Variants in PDS5B observed in about 807,000 individuals in gnomAD.
The protein encoded by PDS5B is sister chromatid cohesion protein PDS5 homolog B.
Under a neutral mutation model 184.1 loss-of-function variants are expected in PDS5B, and 51 were observed. That is an observed-to-expected ratio of 0.28 (90% CI 0.22 to 0.35). The LOEUF (loss-of-function observed/expected upper bound fraction) is 0.35. PDS5B is among the 10% of genes least tolerant of loss of function. The pLI is 1.00. For synonymous variants in PDS5B, 566 were observed against 569.2 expected (o/e 0.99, Z 0.08); for missense variants, 1,180 against 1,723.3 (o/e 0.68, Z 5.58).
At chr13:32,587,494 G>T (rs1043562375) in intron 1 of PDS5B, among the ~76,000 whole-genome samples, 2 of 149,698 alleles carry the variant, frequency 1.3e-5, no homozygotes, top group Admixed American at 1.3e-4. Context: ...AACCTTGTTT[G>T]TTGTTGTTGC....
At chr13:32,678,736 G>GT in intron 9 of PDS5B, 99 bp from the exon 10 acceptor site, 1 of 715,736 alleles carries the variant, frequency 1.4e-6, no homozygotes. Context: ...TTCATAAACT[G>GT]TTTTTTCTTT....
chr13:32,674,902 C>T (rs909921530), intron 8 of PDS5B, among the ~76,000 whole-genome samples: 2 of 149,902 alleles, frequency 1.3e-5, no homozygotes, highest in Non-Finnish European at 1.5e-5. Flanking sequence ...TAGCTGATTC[C>T]GAGTTTTGGG....
At chr13:32,737,533 C>T (rs1313035353) in intron 21 of PDS5B, among the ~76,000 whole-genome samples, 3 of 152,168 alleles carry the variant, frequency 2.0e-5, no homozygotes, top group South Asian at 2.1e-4. Flanking sequence ...TGCTTTCCCT[C>T]CTTATTTGAA....
intron 7 of PDS5B, among the ~76,000 whole-genome samples, chr13:32,669,288 T>C (rs1174490251): frequency 1.3e-5 from 2 of 151,956 alleles, no homozygotes; most frequent in Non-Finnish European, 2.9e-5. Flanking sequence ...TTTTTTTTTT[T>C]CTTTTTTTTT....
At chr13:32,669,407 TTTGA>T (rs1171366665) in intron 7 of PDS5B, among the ~76,000 whole-genome samples, 7 of 152,050 alleles carry the variant, frequency 4.6e-5, no homozygotes, top group Admixed American at 1.3e-4. Context: ...AAAATCAATA[TTTGA>T]TTGGGGCAAT....
rs564326341 is a variant in PDS5B at position 32,644,434 on chromosome 13, CAT to C, written c.-19-4319_-19-4318del. The stretch of plus-strand genomic sequence containing the variant: ...TGCTAAACTCAGTCTTAATAATTCA[CAT>C]GTTTTATCTGTAAATCCTTTTGAAG... On this transcript the variant is annotated intron_variant, in intron 1 of 34. Coordinates refer to ENST00000315596, the MANE Select transcript of PDS5B (RefSeq NM_015032.4). Among the ~76,000 whole-genome samples the C allele has an allele frequency of 2.7e-3, 417 of 152,292 alleles. 2 individuals carry two copies. Among genetic ancestry groups the C allele is most frequent in the African/African-American group, 9.5e-3 (393 of 41,582 alleles).
At position 32,732,182 on chromosome 13, in the gene PDS5B, G is replaced by C. The variant is rs757484452; in HGVS notation, c.2205G>C (p.Ala735=). Residue 735 remains alanine, a synonymous_variant, in exon 20 of 35, where the codon GCG becomes GCC. Coordinates refer to ENST00000315596, the MANE Select transcript of PDS5B (RefSeq NM_015032.4). ...QAKYAIHCIH[A]IFSSKETQFA... is the part of the protein sequence containing the mutation. ...AATATGCCATTCATTGTATCCATGC[G>C]ATATTTTCTAGTAAAGAGACCCAGT... 1 of 1,609,308 alleles carries C rather than the reference G, an allele frequency of 6.2e-7. No homozygotes were observed. Among genetic ancestry groups the C allele is most frequent in the Admixed American group, 1.7e-5 (1 of 59,780 alleles).
chr13:32,652,253 G>T, intron 3 of PDS5B: 5 of 325,036 alleles, frequency 1.5e-5, no homozygotes, highest in South Asian at 6.7e-5. Context: ...CATTAGCTCT[G>T]TTTCTTTCAT....
At chr13:32,706,851 T>C in intron 17 of PDS5B, 83 bp from the exon 18 acceptor site, 1 of 746,862 alleles carries the variant, frequency 1.3e-6, no homozygotes, top group Non-Finnish European at 2.2e-6. Context: ...TATATGTATG[T>C]GCACATATAT....
chr13:32,655,374 A>ATATTTTTT lies in PDS5B; in HGVS notation c.313-2864_313-2863insATTTTTTT. ...TGTTCTTTGCCATATATATATATAT[A>ATATTTTTT]TTTTTTTTTTTTTTTTTTTTTTTAG... On this transcript the variant is annotated intron_variant, in intron 3 of 34. Transcript: ENST00000315596. Among the ~76,000 whole-genome samples, 29 of 72,462 alleles carry ATATTTTTT rather than the reference A, an allele frequency of 4.0e-4. 1 individual carries two copies. The highest frequency in any genetic ancestry group is 2.2e-3 in the African/African-American group (27 of 12,088). The allele number at this position is 72,462 out of a possible 152,430, so 47.5% of individuals were successfully genotyped here. A position where few individuals can be genotyped will look rare whatever the true frequency, so the allele number is the denominator to read the frequency against.
At chr13:32,707,483 C>T (rs1952064737) in intron 18 of PDS5B, among the ~76,000 whole-genome samples, 2 of 150,934 alleles carry the variant, frequency 1.3e-5, no homozygotes, top group Admixed American at 1.3e-4. Flanking sequence ...CTTTTGTTTC[C>T]TTTTAATCTT....
intron 31 of PDS5B, among the ~76,000 whole-genome samples, chr13:32,764,844 T>G (rs1954534400): frequency 1.3e-5 from 2 of 152,170 alleles, no homozygotes; most frequent in African/African-American, 4.8e-5. Context: ...AGTTGCATAC[T>G]CAACTGCTTG....
chr13:32,591,537 AATTT>A (rs1374075166), intron 1 of PDS5B, among the ~76,000 whole-genome samples: 2 of 152,200 alleles, frequency 1.3e-5, no homozygotes, highest in Non-Finnish European at 2.9e-5. Flanking sequence ...ATTATAACAT[AATTT>A]ATTTTTTCTG....
chr13:32,740,370 A>C (rs1030360539), intron 21 of PDS5B, among the ~76,000 whole-genome samples: 6 of 152,154 alleles, frequency 3.9e-5, no homozygotes, highest in African/African-American at 1.4e-4. Flanking sequence ...GGCACTTCTC[A>C]ATGGAAGAAA....
chr13:32,650,074 A>G (rs1270377929), intron 2 of PDS5B: 3 of 152,170 alleles, frequency 2.0e-5, no homozygotes, highest in Non-Finnish European at 4.4e-5. Flanking sequence ...ACTGATCAGC[A>G]TTAGTGTCTT....
At chr13:32,590,815 T>TG (rs1314838883) in intron 1 of PDS5B, among the ~76,000 whole-genome samples, 3 of 151,982 alleles carry the variant, frequency 2.0e-5, no homozygotes, top group African/African-American at 7.2e-5. Context: ...GGGTTGGGTG[T>TG]GGGGGTGAGA....
intron 1 of PDS5B, among the ~76,000 whole-genome samples, chr13:32,600,251 C>CT (rs933381289): frequency 1.3e-5 from 2 of 152,058 alleles, no homozygotes; most frequent in African/African-American, 2.4e-5. Flanking sequence ...ACTTTTGACT[C>CT]TTTTTTCCCC....
intron 19 of PDS5B, among the ~76,000 whole-genome samples, chr13:32,713,495 G>A (rs557265271): frequency 1.3e-5 from 2 of 152,084 alleles, no homozygotes; most frequent in Non-Finnish European, 2.9e-5. Flanking sequence ...TAACAAAAAT[G>A]AAGTAATACA....
chr13:32,625,746 A>G (rs1471565291), intron 1 of PDS5B, among the ~76,000 whole-genome samples: 1 of 150,804 alleles, frequency 6.6e-6, no homozygotes, highest in Non-Finnish European at 1.5e-5. Context: ...TCCTGAGCAT[A>G]TTTATATACT....
Sources: allele counts gnomAD v4.1 joint callset (sites outside exome capture counted in the v4.1 genomes callset), GRCh38; gene constraint gnomAD v4.1.1; transcripts MANE v1.5; gene names NCBI Gene and HGNC (gene_info 2026-07-23, HGNC 2026-07-21).